Variants in SVIL observed in about 807,000 individuals in gnomAD.
SVIL encodes the protein supervillin, also known as archvillin.
In SVIL, 101 loss-of-function variants were observed where a neutral mutation model predicts 240.4. The observed-to-expected ratio is 0.42, with a 90% CI of 0.36 to 0.50. The LOEUF (loss-of-function observed/expected upper bound fraction) is 0.50. Ranked by LOEUF, SVIL falls within the 20% of genes least tolerant of loss-of-function variation. SVIL has a pLI of 0.01. For missense variants in SVIL, 2,512 were observed against 2,818.7 expected, an observed-to-expected ratio of 0.89 and a Z score of 2.46; for synonymous variants, 999 against 1,100.0, an observed-to-expected ratio of 0.91 and a Z score of 1.82.
chr10:29,561,910 CAT>C (rs1379872789), intron 3 of SVIL, among the ~76,000 whole-genome samples: 2 of 152,208 alleles, frequency 1.3e-5, no homozygotes, highest in East Asian at 1.9e-4. Context: ...AAAATTGCCA[CAT>C]GTCTCTGTCT....
intron 1 of SVIL, among the ~76,000 whole-genome samples, chr10:29,708,596 G>A (rs987545857): frequency 6.6e-6 from 1 of 152,052 alleles, no homozygotes; most frequent in Non-Finnish European, 1.5e-5. Flanking sequence ...ACTCCAGCCT[G>A]GGCAACTCCG....
intron 2 of SVIL, among the ~76,000 whole-genome samples, chr10:29,675,063 G>A (rs1379034509): frequency 6.6e-6 from 1 of 152,150 alleles, no homozygotes; most frequent in Admixed American, 6.5e-5. Context: ...AGCTTCCAGG[G>A]ATTGGGATGT....
At chr10:29,543,252 G>A (rs1393440161) in intron 6 of SVIL, among the ~76,000 whole-genome samples, 1 of 152,152 alleles carries the variant, frequency 6.6e-6, no homozygotes, top group African/African-American at 2.4e-5. Flanking sequence ...AAAACAACCT[G>A]GAAAGGTCAA....
intron 1 of SVIL, among the ~76,000 whole-genome samples, chr10:29,582,801 T>C (rs1018945459): frequency 5.9e-5 from 9 of 151,976 alleles, no homozygotes; most frequent in African/African-American, 2.2e-4. Context: ...ATGGGGTCTG[T>C]GGCTGCATCC....
chr10:29,557,790 G>A (rs931478793), intron 3 of SVIL, among the ~76,000 whole-genome samples: 1 of 151,962 alleles, frequency 6.6e-6, no homozygotes, highest in Admixed American at 6.6e-5. Context: ...TCCACTTCTG[G>A]GCATAAAACG....
chr10:29,567,154 G>A (rs1955041528), intron 2 of SVIL, among the ~76,000 whole-genome samples: 1 of 152,072 alleles, frequency 6.6e-6, no homozygotes, highest in African/African-American at 2.4e-5. Flanking sequence ...AGAAGAGAAT[G>A]CCCCCTGCTT....
chr10:29,734,706 T>A (rs1414828182), intron 1 of SVIL, among the ~76,000 whole-genome samples: 1 of 151,804 alleles, frequency 6.6e-6, no homozygotes, highest in Non-Finnish European at 1.5e-5. Context: ...GGGGCTAGGG[T>A]TCACAGCAAG....
chr10:29,531,245 G>A lies in SVIL; in HGVS notation c.2044+9C>T. 6.2e-7 allele frequency: 1 copy of A among 1,613,636 alleles called. No homozygotes were observed. Among genetic ancestry groups the A allele is most frequent in the Non-Finnish European group, 8.5e-7 (1 of 1,179,852 alleles). ...ATAAAGAAGAAAAAAAAGGGAAACAGGTACTTGCCATCGACAGTTGGCGTT... is the reference window on the plus strand; with the variant it reads ...ATAAAGAAGAAAAAAAAGGGAAACAAGTACTTGCCATCGACAGTTGGCGTT... On this transcript the variant is annotated intron_variant, in intron 10 of 37. Coordinates refer to ENST00000355867, the MANE Select transcript of SVIL (RefSeq NM_021738.3).
chr10:29,596,641 C>T (rs1956603145), intron 1 of SVIL, among the ~76,000 whole-genome samples: 1 of 152,198 alleles, frequency 6.6e-6, no homozygotes, highest in South Asian at 2.1e-4. Context: ...AGAGGGAGGA[C>T]CCCCATCCCC....
chr10:29,470,113 C>T (rs549938287), intron 32 of SVIL, among the ~76,000 whole-genome samples, 163 bp downstream of exon 32: 1 of 152,298 alleles, frequency 6.6e-6, no homozygotes, highest in South Asian at 2.1e-4. Flanking sequence ...TGTGTCCTCT[C>T]TGCTCGGAAT....
chr10:29,623,411 T>A (rs1957738979), intron 1 of SVIL, among the ~76,000 whole-genome samples: 1 of 152,188 alleles, frequency 6.6e-6, no homozygotes, highest in Admixed American at 6.5e-5. Flanking sequence ...ATTGTCCAGT[T>A]CTACTGGCCA....
At chr10:29,477,641 T>C (rs1338670985) in intron 29 of SVIL, among the ~76,000 whole-genome samples, 1 of 152,210 alleles carries the variant, frequency 6.6e-6, no homozygotes, top group Non-Finnish European at 1.5e-5. Context: ...GGCCAGAGCT[T>C]CCGCGTTGGT....
Position 29,623,042 on chromosome 10 carries a change from TG to T in SVIL, c.-201+11377del, listed in dbSNP as rs1204830773. 9.8e-5 allele frequency among the ~76,000 whole-genome samples: 15 copies of T among 152,308 alleles called. No homozygotes were observed. In the South Asian group the frequency reaches 1.0e-3, roughly 11 times the overall value. On this transcript the variant is annotated intron_variant, in intron 1 of 37. Transcript: ENST00000355867. ...AGTGTGTGTGTGTGCATGCTTGCAC[TG>T]GGTGTGTGTATATGTGAAAGAAATA...
At chr10:29,726,315 C>G (rs1337020483) in intron 1 of SVIL, among the ~76,000 whole-genome samples, 1 of 152,048 alleles carries the variant, frequency 6.6e-6, no homozygotes, top group South Asian at 2.1e-4. Context: ...AAAAGTAAAC[C>G]TAGGAAGCTA....
intron 17 of SVIL, chr10:29,507,656 A>G: frequency 1.5e-6 from 1 of 668,674 alleles, no homozygotes; most frequent in Non-Finnish European, 1.8e-6. Flanking sequence ...CAAATAAGTT[A>G]TTTCCCAAAA....
At chr10:29,662,030 G>A (rs117096648) in intron 2 of SVIL, among the ~76,000 whole-genome samples, 1 of 152,198 alleles carries the variant, frequency 6.6e-6, no homozygotes, top group Non-Finnish European at 1.5e-5. Context: ...CTGGGGCATT[G>A]AGCAGCAACT....
In SVIL at chr10:29,619,575, A is replaced by G. The variant is rs150930893; in HGVS notation, c.-201+14845T>C. ...CTGCTTTCCAAAGCCCACCACTTCCAGGAGTCGGCCATGAATTCAGATGAT... is the reference window on the plus strand; with the variant it reads ...CTGCTTTCCAAAGCCCACCACTTCCGGGAGTCGGCCATGAATTCAGATGAT... On this transcript the variant is annotated intron_variant, in intron 1 of 37. Transcript: ENST00000355867. Among the ~76,000 whole-genome samples, 380 of 152,344 alleles carry G rather than the reference A, an allele frequency of 2.5e-3. 8 individuals carry two copies. Among genetic ancestry groups the G allele is most frequent in the Admixed American group, 0.024 (362 of 15,306 alleles).
chr10:29,678,306 A>G (rs1960358555), intron 2 of SVIL, among the ~76,000 whole-genome samples: 1 of 151,764 alleles, frequency 6.6e-6, no homozygotes, highest in Non-Finnish European at 1.5e-5. Context: ...GTGATGAGAG[A>G]TAGTGACAGA....
chr10:29,538,457 A>G (rs1951893918), intron 6 of SVIL, among the ~76,000 whole-genome samples: 1 of 152,236 alleles, frequency 6.6e-6, no homozygotes, highest in Admixed American at 6.5e-5. Context: ...TCAATGTAAG[A>G]TTTATTGACT....
Sources: gnomAD v4.1 joint callset for allele counts (sites outside exome capture counted in the v4.1 genomes callset) on GRCh38, gnomAD v4.1.1 for gene constraint, MANE v1.5 for transcripts, NCBI Gene and HGNC (gene_info 2026-07-23, HGNC 2026-07-21) for gene names.